SNTB2: variants seen among roughly 807,000 people sequenced by gnomAD.
SNTB2 encodes syntrophin beta 2.
SNTB2 carries 34 observed loss-of-function variants against 46.2 expected under a neutral mutation model. The ratio of observed to expected loss-of-function variants is 0.74; its 90% CI spans 0.56 to 0.98. The LOEUF is 0.98. Ranked by LOEUF, SNTB2 falls within the 50% of genes least tolerant of loss-of-function variation. The pLI, the probability that SNTB2 is intolerant of heterozygous loss-of-function variation, is 0.00. For synonymous variants in SNTB2, 290 were observed against 312.6 expected (o/e 0.93, Z 0.76); for missense variants, 603 against 731.4 (o/e 0.82, Z 2.02).
At chr16:69,293,192 A>G (rs1016462678) in intron 5 of SNTB2, among the ~76,000 whole-genome samples, 2 of 152,132 alleles carry the variant, frequency 1.3e-5, no homozygotes, top group African/African-American at 4.8e-5. Flanking sequence ...AGATCTTTTC[A>G]ATCTGATTGA....
intron 1 of SNTB2, among the ~76,000 whole-genome samples, chr16:69,194,762 A>G (rs1469918376): frequency 1.3e-5 from 2 of 152,192 alleles, no homozygotes; most frequent in Non-Finnish European, 2.9e-5. Flanking sequence ...CTAGAACCAC[A>G]TGGACTGAAA....
At chr16:69,236,079 GTAT>G (rs1964557176) in intron 1 of SNTB2, among the ~76,000 whole-genome samples, 1 of 152,198 alleles carries the variant, frequency 6.6e-6, no homozygotes, top group Non-Finnish European at 1.5e-5. Flanking sequence ...AAAAGTCAGA[GTAT>G]ACCTTTCTGC....
chr16:69,245,514 A>G (rs2152296961), intron 1 of SNTB2, 88 bp from the exon 2 acceptor site: 1 of 1,278,472 alleles, frequency 7.8e-7, no homozygotes, highest in Non-Finnish European at 1.1e-6. Context: ...ACTTTGTTAT[A>G]GATATAGCAT....
Position 69,301,160 on chromosome 16 carries a change from A to C in SNTB2, c.*236A>C. Reference sequence around the variant, plus strand: ...AAAATGAAGCTGTTGATTTATTCTCATTTCAAAATATGGTTTATGAGTAAT... The same window carrying C: ...AAAATGAAGCTGTTGATTTATTCTCCTTTCAAAATATGGTTTATGAGTAAT... On this transcript the variant is annotated 3_prime_UTR_variant, in exon 7 of 7. Transcript: ENST00000336278. 1 of 391,572 alleles carries C rather than the reference A, an allele frequency of 2.6e-6. No homozygotes were observed. Among genetic ancestry groups the C allele is most frequent in the Middle Eastern group, 7.4e-4 (1 of 1,348 alleles). 24.3% of individuals were successfully genotyped at this position (391,572 alleles called of 1,614,324 possible).
intron 1 of SNTB2, among the ~76,000 whole-genome samples, chr16:69,212,441 C>A (rs1403763336): frequency 6.6e-6 from 1 of 152,034 alleles, no homozygotes; most frequent in Non-Finnish European, 1.5e-5. Context: ...CGGGTTCAAG[C>A]GATTCTCCTG....
At chr16:69,218,892 A>G (rs1964374026) in intron 1 of SNTB2, among the ~76,000 whole-genome samples, 1 of 152,216 alleles carries the variant, frequency 6.6e-6, no homozygotes, top group Non-Finnish European at 1.5e-5. Context: ...TGAGGCATAA[A>G]TTCAAAGCAG....
chr16:69,272,114 A>G (rs1023462165), intron 4 of SNTB2, among the ~76,000 whole-genome samples: 2 of 152,362 alleles, frequency 1.3e-5, no homozygotes, highest in Admixed American at 1.3e-4. Flanking sequence ...GAAAAAATAG[A>G]TAAATTGGAC....
chr16:69,230,481 C>G (rs1597180376), intron 1 of SNTB2: 1 of 151,848 alleles, frequency 6.6e-6, no homozygotes, highest in East Asian at 1.9e-4. Context: ...CCTGCCTCAG[C>G]CTTCTGAGTA....
At chr16:69,257,702 C>T (rs1279600616) in intron 2 of SNTB2, among the ~76,000 whole-genome samples, 1 of 152,190 alleles carries the variant, frequency 6.6e-6, no homozygotes, top group African/African-American at 2.4e-5. Flanking sequence ...GCCTCGGCCT[C>T]CCAAAGTGCT....
chr16:69,217,543 T>G (rs1185931375), intron 1 of SNTB2, among the ~76,000 whole-genome samples: 5 of 152,198 alleles, frequency 3.3e-5, no homozygotes, highest in Admixed American at 3.3e-4. Context: ...GTGTTAATCT[T>G]AGATAAAAGC....
chr16:69,268,807 G>A (rs1395387911), intron 3 of SNTB2, among the ~76,000 whole-genome samples: 2 of 151,956 alleles, frequency 1.3e-5, no homozygotes, highest in East Asian at 1.9e-4. Flanking sequence ...AGAGGTTGCA[G>A]TAAGCAGAAA....
chr16:69,239,442 G>A (rs1286145639), intron 1 of SNTB2, among the ~76,000 whole-genome samples: 1 of 152,136 alleles, frequency 6.6e-6, no homozygotes, highest in African/African-American at 2.4e-5. Context: ...TCAGGATACA[G>A]GACCATTCCA....
chr16:69,214,917 C>T (rs1189501876), intron 1 of SNTB2, among the ~76,000 whole-genome samples: 1 of 152,078 alleles, frequency 6.6e-6, no homozygotes, highest in Non-Finnish European at 1.5e-5. Flanking sequence ...AGTCTCGATT[C>T]ACTGCAACCT....
chr16:69,283,953 C>CT, intron 4 of SNTB2, 95 bp from the exon 5 acceptor site: 1 of 1,181,262 alleles, frequency 8.5e-7, no homozygotes, highest in South Asian at 1.5e-5. Context: ...CTGCTGATTG[C>CT]TTTTATAAGT....
At chr16:69,256,634 A>C (rs1332550491) in intron 2 of SNTB2, among the ~76,000 whole-genome samples, 11 of 152,148 alleles carry the variant, frequency 7.2e-5, no homozygotes, top group Admixed American at 7.2e-4. Context: ...TGCATGTTGT[A>C]ACATGTGTTA....
chr16:69,255,755 C>A (rs1358780814), intron 2 of SNTB2, among the ~76,000 whole-genome samples: 8 of 151,600 alleles, frequency 5.3e-5, no homozygotes. Flanking sequence ...GTGGCACTTC[C>A]CTGTAATCCC....
At chr16:69,210,534 G>A (rs1157956442) in intron 1 of SNTB2, among the ~76,000 whole-genome samples, 4 of 151,064 alleles carry the variant, frequency 2.6e-5, no homozygotes, top group South Asian at 2.1e-4. Flanking sequence ...CACCGCGCCC[G>A]GCCATATTAT....
intron 4 of SNTB2, among the ~76,000 whole-genome samples, chr16:69,280,582 C>T (rs1312530031): frequency 3.4e-5 from 5 of 145,096 alleles, no homozygotes; most frequent in South Asian, 2.2e-4. Context: ...GCTGGCCGGG[C>T]GGGGGGCTGA....
In SNTB2 at chr16:69,249,272, C is replaced by T. The variant is rs948763622; in HGVS notation, c.794+3457C>T. 2.6e-5 allele frequency among the ~76,000 whole-genome samples: 4 copies of T among 152,218 alleles called. No individual in the cohort carries two copies. In the East Asian group the frequency reaches 5.8e-4, roughly 22 times the overall value. On this transcript the variant is annotated intron_variant, in intron 2 of 6. Coordinates refer to ENST00000336278, the MANE Select transcript of SNTB2 (RefSeq NM_006750.4). ...AACTCCTAGATTCCAGCAATCTACT[C>T]GCTTTGGTCTCCCAAAGTGCTGGGG...
Sources: gnomAD v4.1 joint callset for allele counts (sites outside exome capture counted in the v4.1 genomes callset) on GRCh38, gnomAD v4.1.1 for gene constraint, MANE v1.5 for transcripts, NCBI Gene and HGNC (gene_info 2026-07-23, HGNC 2026-07-21) for gene names.